The following SLC7A11 variants were observed in gnomAD, a reference collection of about 807,000 sequenced individuals.
The protein encoded by SLC7A11 is cystine/glutamate transporter.
Under a neutral mutation model 54.5 loss-of-function variants are expected in SLC7A11, and 35 were observed. The observed-to-expected ratio is 0.64, with a 90% CI of 0.49 to 0.85. The LOEUF (loss-of-function observed/expected upper bound fraction) is 0.85. Ranked by LOEUF, SLC7A11 falls within the 40% of genes least tolerant of loss-of-function variation. SLC7A11 has a pLI of 0.00. For missense variants in SLC7A11, 583 were observed against 618.1 expected (o/e 0.94, Z 0.60); for synonymous variants, 230 against 225.2 (o/e 1.02, Z -0.19).
At chr4:138,183,605 C>T (rs1736801042) in intron 7 of SLC7A11, among the ~76,000 whole-genome samples, 1 of 152,088 alleles carries the variant, frequency 6.6e-6, no homozygotes, top group South Asian at 2.1e-4. Context: ...TTGTCTCTGA[C>T]TCTGACAAGT....
intron 1 of SLC7A11, among the ~76,000 whole-genome samples, chr4:138,238,613 T>C (rs1738299996): frequency 6.7e-6 from 1 of 149,814 alleles, no homozygotes; most frequent in African/African-American, 2.4e-5. Flanking sequence ...TTTTTTTTAA[T>C]TTTTGAGATA....
rs769826260 is a variant in SLC7A11, at chr4:138,183,254, C to A, written c.967G>T (p.Val323Phe). 6.2e-7 allele frequency: 1 copy of A among 1,612,052 alleles called. No homozygotes were observed. The highest frequency in any genetic ancestry group is 8.5e-7 in the Non-Finnish European group (1 of 1,179,028). The change falls in exon 8 of 12, where the codon GTT becomes TTT. Residue 323 changes from valine to phenylalanine, a missense_variant. By Grantham distance (50) the Val-to-Phe change is conservative (BLOSUM62 -1). Coordinates refer to ENST00000280612, the MANE Select transcript of SLC7A11 (RefSeq NM_014331.4). ...ATGGAGCCAAAGCAGGAGAGGGCAA[C>A]AAAGATCGGAACTGCTAATGAGAAA... ...GNFSLAVPIF[V>F]ALSCFGSMNG...
In SLC7A11 at chr4:138,232,328, T is replaced by C. The variant is rs1738098637; in HGVS notation, c.459A>G (p.Pro153=). 1 of 1,613,838 alleles carries C rather than the reference T, an allele frequency of 6.2e-7. No homozygotes were observed. Among genetic ancestry groups the C allele is most frequent in the Non-Finnish European group, 8.5e-7 (1 of 1,179,798 alleles). The change falls in exon 3 of 12, where the codon CCA becomes CCG. Residue 153 remains proline (P), a synonymous_variant. Coordinates refer to ENST00000280612, the MANE Select transcript of SLC7A11 (RefSeq NM_014331.4). ...SLAFGRYILE[P]FFIQCEIPEL... is the part of the protein sequence containing the mutation. ...CAGGGATTTCACATTGAATAAAAAA[T>C]GGTTCCAGAATGTAGCGTCCAAATG...
chr4:138,189,666 C>A (rs1578640108), intron 6 of SLC7A11, among the ~76,000 whole-genome samples: 1 of 152,116 alleles, frequency 6.6e-6, no homozygotes, highest in South Asian at 2.1e-4. Context: ...TTCTTCACAT[C>A]TAATAGTAGA....
chr4:138,237,714 TATATATATATATATATATATATA>T (rs1462976088), intron 1 of SLC7A11, among the ~76,000 whole-genome samples: 260 of 6,874 alleles, frequency 0.038, 9 homozygotes, highest in African/African-American at 0.1. Context: ...TATATATATA[TATATATATATATATATATATATA>T]TTTTTTTTTT....
intron 6 of SLC7A11, among the ~76,000 whole-genome samples, chr4:138,188,059 T>C (rs904949482): frequency 1.3e-5 from 2 of 152,114 alleles, no homozygotes; most frequent in Non-Finnish European, 1.5e-5. Context: ...TTATTCTTTT[T>C]TAAAAAAATT....
intron 6 of SLC7A11, among the ~76,000 whole-genome samples, chr4:138,198,575 T>C (rs1203586993): frequency 6.6e-6 from 1 of 152,192 alleles, no homozygotes; most frequent in Non-Finnish European, 1.5e-5. Context: ...TATTCTTAGC[T>C]ATTGCTATTG....
chr4:138,166,214 A>T lies in SLC7A11; in HGVS notation c.*5742T>A, dbSNP rs1444754442. ...CCAGTGTGATATGACTGTGCTTCCA[A>T]GTATGCATCTAATAAAGTTAGTTAG... On this transcript the variant is annotated 3_prime_UTR_variant, in exon 12 of 12. Transcript: ENST00000280612. The T allele has an allele frequency of 6.6e-6, 1 of 152,180 alleles. No homozygotes were observed. The highest frequency in any genetic ancestry group is 1.5e-5 in the Non-Finnish European group (1 of 68,036). The allele number at this position is 152,180 out of a possible 1,614,324, so 9.4% of individuals were successfully genotyped here.
intron 6 of SLC7A11, among the ~76,000 whole-genome samples, chr4:138,210,538 A>G (rs1170411569): frequency 1.3e-5 from 2 of 152,122 alleles, no homozygotes; most frequent in African/African-American, 4.8e-5. Context: ...GAACTTAAAC[A>G]ATTCAACAAG....
intron 1 of SLC7A11, among the ~76,000 whole-genome samples, chr4:138,237,931 T>G (rs1738279832): frequency 6.7e-6 from 1 of 149,982 alleles, no homozygotes; most frequent in African/African-American, 2.5e-5. Flanking sequence ...TTTTGTATTT[T>G]TAGTAGAGAC....
intron 2 of SLC7A11, among the ~76,000 whole-genome samples, chr4:138,235,175 T>C (rs1738175993): frequency 6.6e-6 from 1 of 151,740 alleles, no homozygotes; most frequent in Admixed American, 6.6e-5. Flanking sequence ...ATAACATAAA[T>C]TAGAATAAAC....
At chr4:138,181,483 T>C (rs567403977) in intron 9 of SLC7A11, among the ~76,000 whole-genome samples, 1 of 152,142 alleles carries the variant, frequency 6.6e-6, no homozygotes, top group East Asian at 1.9e-4. Flanking sequence ...AATAATACAT[T>C]CTGTTCCCAC....
chr4:138,184,532 ACTT>A (rs1736828716), intron 7 of SLC7A11, among the ~76,000 whole-genome samples: 2 of 152,102 alleles, frequency 1.3e-5, no homozygotes, highest in Admixed American at 6.6e-5. Context: ...ATGTGTATCC[ACTT>A]CTTAGGGAGT....
At chr4:138,229,491 A>T (rs1738023601) in intron 3 of SLC7A11, among the ~76,000 whole-genome samples, 1 of 152,228 alleles carries the variant, frequency 6.6e-6, no homozygotes, top group Admixed American at 6.5e-5. Context: ...GAACATCAAA[A>T]TTTAAAAATG....
At chr4:138,182,464 C>T in intron 8 of SLC7A11, 71 bp from the exon 9 acceptor site, 1 of 931,756 alleles carries the variant, frequency 1.1e-6, no homozygotes, top group Non-Finnish European at 1.7e-6. Context: ...CCAAAAATCC[C>T]AGAGAAAACG....
intron 11 of SLC7A11, among the ~76,000 whole-genome samples, chr4:138,172,482 G>A (rs2148405911): frequency 6.6e-6 from 1 of 152,054 alleles, no homozygotes; most frequent in East Asian, 1.9e-4. Context: ...TTATCTCCTA[G>A]GGCCTAATTT....
At chr4:138,214,338 T>C (rs1293034118) in intron 6 of SLC7A11, among the ~76,000 whole-genome samples, 1 of 151,710 alleles carries the variant, frequency 6.6e-6, no homozygotes, top group Non-Finnish European at 1.5e-5. Context: ...ATTTTCAGGT[T>C]AAAAGACAAC....
chr4:138,198,193 T>A (rs1401163573), intron 6 of SLC7A11, among the ~76,000 whole-genome samples: 1 of 151,694 alleles, frequency 6.6e-6, no homozygotes, highest in Non-Finnish European at 1.5e-5. Flanking sequence ...GATCTAGGGA[T>A]GTAAAAATTT....
chr4:138,215,483 T>C (rs746465352), intron 5 of SLC7A11, among the ~76,000 whole-genome samples: 18 of 152,112 alleles, frequency 1.2e-4, no homozygotes, highest in Non-Finnish European at 2.1e-4. Context: ...AAGTAGTCAG[T>C]TGATGTTCAA....
Sources: gnomAD v4.1 joint callset for allele counts (sites outside exome capture counted in the v4.1 genomes callset) on GRCh38, gnomAD v4.1.1 for gene constraint, MANE v1.5 for transcripts, NCBI Gene and HGNC (gene_info 2026-07-23, HGNC 2026-07-21) for gene names.